Variants in UBR1 observed in about 807,000 individuals in gnomAD.
UBR1 encodes ubiquitin protein ligase E3 component n-recognin 1, also known as E3 ubiquitin-protein ligase UBR1.
A neutral mutation model predicts 242.1 loss-of-function variants in UBR1; 102 were observed. The observed-to-expected ratio is 0.42, with a 90% CI of 0.36 to 0.50. The LOEUF (loss-of-function observed/expected upper bound fraction) is 0.50, where lower values mean the gene tolerates loss of function less well. Ranked by LOEUF, UBR1 falls within the 20% of genes least tolerant of loss-of-function variation. The pLI is 0.01. For missense variants in UBR1, 1,772 were observed against 2,101.8 expected (o/e 0.84, Z 3.07); for synonymous variants, 675 against 684.8 (o/e 0.99, Z 0.22).
intron 4 of UBR1, among the ~76,000 whole-genome samples, chr15:43,074,546 A>G (rs2033862866): frequency 6.6e-6 from 1 of 152,138 alleles, no homozygotes; most frequent in Admixed American, 6.5e-5. Context: ...CTCGTGCCTC[A>G]GTCCCCCCAA....
chr15:43,033,371 C>T (rs1399719840), intron 19 of UBR1, among the ~76,000 whole-genome samples: 1 of 151,834 alleles, frequency 6.6e-6, no homozygotes, highest in Non-Finnish European at 1.5e-5. Flanking sequence ...CTTAGCCAGG[C>T]GTGGTGGTGC....
intron 19 of UBR1, 106 bp from the exon 20 acceptor site, chr15:43,032,737 T>C (rs1320076201): frequency 5.7e-6 from 4 of 706,448 alleles, no homozygotes; most frequent in Non-Finnish European, 7.2e-6. Flanking sequence ...GTATTTTTCA[T>C]CCAGTCCAGT....
intron 20 of UBR1, among the ~76,000 whole-genome samples, chr15:43,032,163 A>G (rs1382239256): frequency 2.0e-5 from 3 of 152,208 alleles, no homozygotes; most frequent in Admixed American, 6.5e-5. Context: ...TCTGCAGCAA[A>G]TATTTATATT....
chr15:43,048,862 G>A (rs1265588418), intron 12 of UBR1, among the ~76,000 whole-genome samples: 1 of 152,166 alleles, frequency 6.6e-6, no homozygotes, highest in Non-Finnish European at 1.5e-5. Context: ...AATTGTTTCA[G>A]CCTCAGGAGA....
Position 42,976,882 on chromosome 15 carries a change from T to C in UBR1, c.4219-15A>G, listed in dbSNP as rs186148655. ...ACAGCACCCACCTATGAGAGAAAAA[T>C]GGACATCAATATGGCTAATGATAAA... On this transcript the variant is annotated splice_polypyrimidine_tract_variant and intron_variant, in intron 38 of 46. Coordinates refer to ENST00000290650, the MANE Select transcript of UBR1 (RefSeq NM_174916.3). The C allele has an allele frequency of 4.3e-6, 7 of 1,612,184 alleles. No individual in the cohort carries two copies. In the African/African-American group the frequency reaches 6.7e-5, roughly 15 times the overall value.
At chr15:43,051,560 C>G (rs1282022303) in intron 12 of UBR1, among the ~76,000 whole-genome samples, 1 of 151,960 alleles carries the variant, frequency 6.6e-6, no homozygotes, top group Non-Finnish European at 1.5e-5. Context: ...GCACATGTAC[C>G]CCTGAACTCA....
At chr15:43,040,275 G>C (rs1286802530) in intron 15 of UBR1, among the ~76,000 whole-genome samples, 4 of 152,142 alleles carry the variant, frequency 2.6e-5, no homozygotes, top group Non-Finnish European at 5.9e-5. Flanking sequence ...GGACTGAACA[G>C]AGCCCTCAGA....
intron 1 of UBR1, among the ~76,000 whole-genome samples, chr15:43,104,906 C>T (rs9806629): frequency 0.016 from 2,434 of 152,142 alleles, 79 homozygotes; most frequent in African/African-American, 0.056. Context: ...ACTCAAGAGG[C>T]TGAGGCAGGA....
In UBR1 at chr15:43,036,582, G is replaced by T; in HGVS notation, c.2034C>A (p.Tyr678Ter). 6.3e-7 allele frequency: 1 copy of T among 1,579,946 alleles called. No homozygotes were observed. Among genetic ancestry groups the T allele is most frequent in the Non-Finnish European group, 8.7e-7 (1 of 1,149,454 alleles). ...GLSLISQVFY[Y>*]QDVKCREEMY... ...TTTCTTCTCTGCACTTAACATCTTG[G>T]TAATAAAACACCTATAAGGTAATAG... The change falls in exon 18 of 47, where the codon TAC (tyrosine) becomes TAA (stop). Residue 678 changes from tyrosine (Y) to a stop codon, truncating the protein, a stop_gained. Coordinates refer to ENST00000290650, the MANE Select transcript of UBR1 (RefSeq NM_174916.3). LOFTEE classifies it high-confidence loss of function.
chr15:42,966,676 T>G (rs1166936159), intron 40 of UBR1, among the ~76,000 whole-genome samples: 2 of 138,862 alleles, frequency 1.4e-5, no homozygotes, highest in South Asian at 2.2e-4. Flanking sequence ...AGACGCTGAC[T>G]CAAAAAAAAA....
intron 14 of UBR1, among the ~76,000 whole-genome samples, chr15:43,046,380 C>A (rs2033486045): frequency 6.6e-6 from 1 of 152,046 alleles, no homozygotes; most frequent in African/African-American, 2.4e-5. Context: ...AGAAAGGAGG[C>A]TTTTATTATT....
intron 2 of UBR1, among the ~76,000 whole-genome samples, chr15:43,085,094 T>A (rs988019793): frequency 1.2e-4 from 18 of 152,240 alleles, no homozygotes; most frequent in African/African-American, 4.3e-4. Context: ...TTTCTACAGG[T>A]TCAAAATCCC....
chr15:42,969,296 T>G (rs1483673363), intron 40 of UBR1, among the ~76,000 whole-genome samples: 1 of 152,236 alleles, frequency 6.6e-6, no homozygotes, highest in African/African-American at 2.4e-5. Flanking sequence ...ACATGTTTGT[T>G]GGCCGCATAA....
intron 38 of UBR1, 39 bp from the exon 39 acceptor site, chr15:42,976,906 A>G: frequency 6.2e-7 from 1 of 1,600,082 alleles, no homozygotes; most frequent in Non-Finnish European, 8.5e-7. Flanking sequence ...GCTAATGATA[A>G]AAGACTAACA....
At chr15:43,014,918 G>A (rs1244583485) in intron 29 of UBR1, among the ~76,000 whole-genome samples, 2 of 144,336 alleles carry the variant, frequency 1.4e-5, no homozygotes, top group Non-Finnish European at 3.1e-5. Context: ...ACCCCGTCCG[G>A]GAGGGAGGTG....
intron 1 of UBR1, among the ~76,000 whole-genome samples, chr15:43,087,202 G>A (rs1198639508): frequency 2.6e-5 from 4 of 151,984 alleles, no homozygotes; most frequent in African/African-American, 4.8e-5. Flanking sequence ...TCAGGAGATC[G>A]AGACCACCCT....
In UBR1 at chr15:43,066,969, A is replaced by G. The variant is rs536410231; in HGVS notation, c.798+929T>C. Among the ~76,000 whole-genome samples the G allele has an allele frequency of 2.6e-5, 4 of 152,260 alleles. No homozygotes were observed. In the East Asian group the frequency reaches 5.8e-4, roughly 22 times the overall value. On this transcript the variant is annotated intron_variant, in intron 6 of 46. Transcript: ENST00000290650. ...TAAGATCTATTCATGTGAACATTAA[A>G]CTTTGAAGAATGCCATTCTAACCAG...
chr15:42,978,814 C>T (rs1472852897), intron 37 of UBR1, among the ~76,000 whole-genome samples: 2 of 150,908 alleles, frequency 1.3e-5, no homozygotes, highest in Non-Finnish European at 2.9e-5. Flanking sequence ...CCGCAACCTC[C>T]GCCTCCCAGG....
intron 4 of UBR1, among the ~76,000 whole-genome samples, chr15:43,073,565 A>G (rs2033850524): frequency 6.6e-6 from 1 of 152,194 alleles, no homozygotes; most frequent in Non-Finnish European, 1.5e-5. Context: ...CATTCCCTTT[A>G]CCAATTTTAA....
Sources: gnomAD v4.1 joint callset for allele counts (sites outside exome capture counted in the v4.1 genomes callset) on GRCh38, gnomAD v4.1.1 for gene constraint, MANE v1.5 for transcripts, NCBI Gene and HGNC (gene_info 2026-07-23, HGNC 2026-07-21) for gene names.